The following B3GALT1 variants were observed in gnomAD, a reference collection of about 807,000 sequenced individuals.
B3GALT1 encodes beta-1,3-galactosyltransferase 1.
In B3GALT1, 10 loss-of-function variants were observed where a neutral mutation model predicts 23.2. That is an observed-to-expected ratio of 0.43 (90% CI 0.27 to 0.73). B3GALT1 has a LOEUF of 0.73. B3GALT1 is among the 30% of genes least tolerant of loss of function. The pLI is 0.21. For synonymous variants in B3GALT1, 156 were observed against 141.5 expected (o/e 1.10, Z -0.73); for missense variants, 299 against 405.4 (o/e 0.74, Z 2.25).
intron 2 of B3GALT1, among the ~76,000 whole-genome samples, chr2:167,602,232 G>A (rs947635364): frequency 1.3e-5 from 2 of 152,166 alleles, no homozygotes; most frequent in Non-Finnish European, 2.9e-5. Flanking sequence ...GTGAAAAATA[G>A]CAGGCAAATT....
rs938454388 is a variant in B3GALT1 at position 167,871,004 on chromosome 2, T to G, written c.*984T>G. The stretch of plus-strand genomic sequence containing the variant: ...CACACACAGACATTTGCAAAGCACA[T>G]GAGAAAATCTTTAAGGGTGTCAATA... On this transcript the variant is annotated 3_prime_UTR_variant, in exon 5 of 5. Transcript: ENST00000392690. 3 of 161,624 alleles carry G rather than the reference T, an allele frequency of 1.9e-5. No individual in the cohort carries two copies. The highest frequency in any genetic ancestry group is 7.2e-5 in the African/African-American group (3 of 41,414). 10.0% of individuals were successfully genotyped at this position (161,624 alleles called of 1,614,324 possible).
At chr2:167,624,982 T>C (rs540798941) in intron 2 of B3GALT1, among the ~76,000 whole-genome samples, 1 of 152,100 alleles carries the variant, frequency 6.6e-6, no homozygotes, top group Admixed American at 6.6e-5. Flanking sequence ...TTCCCTTGTG[T>C]CAAATTTCAT....
At chr2:167,569,796 G>C (rs954665413) in intron 2 of B3GALT1, among the ~76,000 whole-genome samples, 1 of 151,812 alleles carries the variant, frequency 6.6e-6, no homozygotes. Context: ...TAGCTGTAAG[G>C]TTTATGTAGA....
At chr2:167,579,394 T>C (rs554190547) in intron 2 of B3GALT1, among the ~76,000 whole-genome samples, 1 of 151,372 alleles carries the variant, frequency 6.6e-6, no homozygotes, top group East Asian at 1.9e-4. Context: ...TTAGAATCAG[T>C]TGGAGAGTAG....
chr2:167,659,256 G>A (rs1291182959), intron 3 of B3GALT1, among the ~76,000 whole-genome samples: 1 of 151,774 alleles, frequency 6.6e-6, no homozygotes, highest in Admixed American at 6.6e-5. Context: ...TTGGTGGTGG[G>A]GAGGGGTGTT....
intron 1 of B3GALT1, among the ~76,000 whole-genome samples, chr2:167,425,772 G>A (rs1698613659): frequency 6.6e-6 from 1 of 151,978 alleles, no homozygotes; most frequent in Non-Finnish European, 1.5e-5. Context: ...TATCGACTTT[G>A]TACATGACTT....
intron 3 of B3GALT1, among the ~76,000 whole-genome samples, chr2:167,664,874 G>T (rs563684320): frequency 1.2e-3 from 185 of 149,174 alleles, no homozygotes; most frequent in African/African-American, 4.1e-3. Context: ...TGAGACAATG[G>T]GGTTTTCTAG....
Position 167,413,173 on chromosome 2 carries a change from A to C in B3GALT1, c.-510-77004A>C, listed in dbSNP as rs141221698. Among the ~76,000 whole-genome samples, 755 of 152,158 alleles carry C rather than the reference A, an allele frequency of 5.0e-3. 5 individuals are homozygous for C. The highest frequency in any genetic ancestry group is 0.017 in the African/African-American group (696 of 41,548). On this transcript the variant is annotated intron_variant, in intron 1 of 4. Coordinates refer to ENST00000392690, the MANE Select transcript of B3GALT1 (RefSeq NM_020981.4). Reference sequence around the variant, plus strand: ...TGTGTACTTGTATAGATTGTCCTGCAATAAAGCTGACAAGGAGAGAGATGG... The same window carrying C: ...TGTGTACTTGTATAGATTGTCCTGCCATAAAGCTGACAAGGAGAGAGATGG...
In B3GALT1 at chr2:167,352,613, C is replaced by T. The variant is rs185789340; in HGVS notation, c.-511+59279C>T. ...GCGGGTGCCTGTAGTTCCAGCTACT[C>T]GGGAGGCTGAGGCAGGAGAATGGCA... is the stretch of plus-strand genomic sequence containing the variant. On this transcript the variant is annotated intron_variant, in intron 1 of 4. Coordinates refer to ENST00000392690, the MANE Select transcript of B3GALT1 (RefSeq NM_020981.4). Among the ~76,000 whole-genome samples the T allele has an allele frequency of 4.7e-3, 712 of 150,460 alleles. 6 individuals are homozygous for T. The highest frequency in any genetic ancestry group is 0.017 in the East Asian group (87 of 5,054).
intron 3 of B3GALT1, among the ~76,000 whole-genome samples, chr2:167,729,314 C>T (rs1329803566): frequency 2.6e-5 from 4 of 152,188 alleles, no homozygotes; most frequent in African/African-American, 9.7e-5. Flanking sequence ...TTAATTTACC[C>T]TAGGGATTCA....
Position 167,401,856 on chromosome 2 carries a change from A to G in B3GALT1, c.-510-88321A>G, listed in dbSNP as rs765792524. On this transcript the variant is annotated intron_variant, in intron 1 of 4. Transcript: ENST00000392690. ...TACTTCTTAGGACACAGTATTGAGG[A>G]CAAGTTTGAATTGCTTTTGGGAAAT... 4.3e-4 allele frequency among the ~76,000 whole-genome samples: 66 copies of G among 152,180 alleles called. 1 individual carries two copies. The highest frequency in any genetic ancestry group is 8.1e-4 in the Non-Finnish European group (55 of 68,018).
At chr2:167,597,885 T>C (rs1360787647) in intron 2 of B3GALT1, among the ~76,000 whole-genome samples, 3 of 152,154 alleles carry the variant, frequency 2.0e-5, no homozygotes, top group African/African-American at 7.2e-5. Context: ...CGCATCAGAT[T>C]TGTAGATATT....
chr2:167,472,533 A>G (rs1026962323), intron 1 of B3GALT1, among the ~76,000 whole-genome samples: 2 of 152,212 alleles, frequency 1.3e-5, no homozygotes, highest in African/African-American at 4.8e-5. Flanking sequence ...TAGAACCTCT[A>G]ATTACTTACC....
intron 4 of B3GALT1, among the ~76,000 whole-genome samples, chr2:167,849,211 A>G (rs1689821527): frequency 1.3e-5 from 2 of 152,238 alleles, no homozygotes; most frequent in South Asian, 4.1e-4. Flanking sequence ...ATCATTCTTC[A>G]TAGAATTAGG....
At chr2:167,416,713 A>G (rs1285129198) in intron 1 of B3GALT1, among the ~76,000 whole-genome samples, 2 of 152,194 alleles carry the variant, frequency 1.3e-5, no homozygotes, top group African/African-American at 2.4e-5. Context: ...CCATGTGACT[A>G]GCATGCAGCA....
At chr2:167,450,682 C>CT (rs1699075119) in intron 1 of B3GALT1, among the ~76,000 whole-genome samples, 2 of 152,162 alleles carry the variant, frequency 1.3e-5, no homozygotes, top group African/African-American at 4.8e-5. Context: ...AGGCAATGAT[C>CT]TTTTTTCAAT....
chr2:167,769,952 G>T (rs1688044870), intron 3 of B3GALT1, among the ~76,000 whole-genome samples: 1 of 152,206 alleles, frequency 6.6e-6, no homozygotes, highest in Non-Finnish European at 1.5e-5. Context: ...ATTTAACTTT[G>T]TAGGAAGCTA....
At chr2:167,482,157 A>G (rs1559110257) in intron 1 of B3GALT1, among the ~76,000 whole-genome samples, 1 of 152,172 alleles carries the variant, frequency 6.6e-6, no homozygotes, top group Non-Finnish European at 1.5e-5. Context: ...GCATAAAGAC[A>G]TCTCTCCTCA....
chr2:167,871,302 T>A lies in B3GALT1; in HGVS notation c.*1282T>A, dbSNP rs140070123. 6.6e-6 allele frequency: 1 copy of A among 152,348 alleles called. No homozygotes were observed. Among genetic ancestry groups the A allele is most frequent in the Non-Finnish European group, 1.5e-5 (1 of 68,036 alleles). 9.4% of individuals were successfully genotyped at this position (152,348 alleles called of 1,614,324 possible). On this transcript the variant is annotated 3_prime_UTR_variant, in exon 5 of 5. Transcript: ENST00000392690. ...ATTGCATTTGCTAAGTATTTTGAGA[T>A]CCTTAGCTTAAAAGGTGCTACGTAA...
Sources: gnomAD v4.1 joint callset for allele counts (sites outside exome capture counted in the v4.1 genomes callset) on GRCh38, gnomAD v4.1.1 for gene constraint, MANE v1.5 for transcripts, NCBI Gene and HGNC (gene_info 2026-07-23, HGNC 2026-07-21) for gene names.